SNTA1: variants seen among roughly 807,000 people sequenced by gnomAD.
The protein encoded by SNTA1 is syntrophin alpha 1, also known as alpha-1-syntrophin.
Under a neutral mutation model 47.1 loss-of-function variants are expected in SNTA1, and 31 were observed. The observed-to-expected ratio is 0.66, with a 90% CI of 0.49 to 0.89. The LOEUF is 0.89. Among genes scored for constraint, SNTA1 ranks in the 40% least tolerant of loss-of-function variants. The pLI, the probability that SNTA1 is intolerant of heterozygous loss-of-function variation, is 0.00. For missense variants in SNTA1, 575 were observed against 693.0 expected (o/e 0.83, Z 1.91); for synonymous variants, 300 against 313.6 (o/e 0.96, Z 0.46).
At chr20:33,422,532 C>A (rs531544572) in intron 2 of SNTA1, among the ~76,000 whole-genome samples, 1 of 151,906 alleles carries the variant, frequency 6.6e-6, no homozygotes, top group African/African-American at 2.4e-5. Context: ...AGTCCCAGCA[C>A]TTGGGGAGGC....
chr20:33,412,533 A>C, intron 4 of SNTA1, 42 bp downstream of exon 4: 1 of 1,606,358 alleles, frequency 6.2e-7, no homozygotes, highest in Non-Finnish European at 8.5e-7. Flanking sequence ...GCTCCAAAGG[A>C]GCGGAAGAGA....
At position 33,443,598 on chromosome 20, in the gene SNTA1, G is replaced by T. The variant is rs1216164802; in HGVS notation, c.23C>A (p.Pro8Gln). 1 of 1,237,698 alleles carries T rather than the reference G, an allele frequency of 8.1e-7. No homozygotes were observed. The highest frequency in any genetic ancestry group is 1.0e-6 in the Non-Finnish European group (1 of 990,402). The allele number at this position is 1,237,698 out of a possible 1,614,324, so 76.7% of individuals were successfully genotyped here. MASGRRA[P>Q]RTGLLELRAG... ...GCGCAGCTCCAGCAGCCCGGTGCGC[G>T]GGGCGCGCCTGCCGGACGCCATCTT... is the stretch of plus-strand genomic sequence containing the variant. The change falls in exon 1 of 8, where the codon CCG becomes CAG. Residue 8 changes from proline to glutamine, a missense_variant. Coordinates refer to ENST00000217381, the MANE Select transcript of SNTA1 (RefSeq NM_003098.3).
chr20:33,416,902 T>C lies in SNTA1; in HGVS notation c.701+817A>G, dbSNP rs532251465. ...GTTTCAGTGAGCCAAGATCATGCCA[T>C]TGCACTCCAACCTGGGCAACAGAGT... On this transcript the variant is annotated intron_variant, in intron 3 of 7. Coordinates refer to ENST00000217381, the MANE Select transcript of SNTA1 (RefSeq NM_003098.3). Among the ~76,000 whole-genome samples the C allele has an allele frequency of 1.0e-4, 15 of 145,396 alleles. No individual in the cohort carries two copies. The South Asian group carries it at 3.2e-3, about 31-fold the overall frequency.
chr20:33,443,646 C>G lies in SNTA1; in HGVS notation c.-26G>C, dbSNP rs1327804037. ...CTTCGCCTCCGAGCCCCCGGGCCGC[C>G]GCGCTCGCCCTGTCCCGCTTTGCCC... On this transcript the variant is annotated 5_prime_UTR_variant, in exon 1 of 8. Coordinates refer to ENST00000217381, the MANE Select transcript of SNTA1 (RefSeq NM_003098.3). The G allele has an allele frequency of 8.4e-7, 1 of 1,188,344 alleles. No homozygotes were observed. Among genetic ancestry groups the G allele is most frequent in the Non-Finnish European group, 1.0e-6 (1 of 959,310 alleles). 73.6% of individuals were successfully genotyped at this position (1,188,344 alleles called of 1,614,324 possible). A position where few individuals can be genotyped will look rare whatever the true frequency, so the allele number is the denominator to read the frequency against.
chr20:33,419,519 C>A (rs1270454086), intron 2 of SNTA1, among the ~76,000 whole-genome samples: 2 of 152,078 alleles, frequency 1.3e-5, no homozygotes, highest in African/African-American at 4.8e-5. Flanking sequence ...GAGAAGCAAG[C>A]CTGGGTCTGA....
At position 33,417,926 on chromosome 20, in the gene SNTA1, G is replaced by A. The variant is rs774195790; in HGVS notation, c.497-3C>T. ...TGAGACGTCCTTCATATACTTGACT[G>A]ATTGGGAGAGACATCAGCAGTCACC... On this transcript the variant is annotated splice_region_variant and splice_polypyrimidine_tract_variant and intron_variant, in intron 2 of 7. Coordinates refer to ENST00000217381, the MANE Select transcript of SNTA1 (RefSeq NM_003098.3). 8 of 1,604,158 alleles carry A rather than the reference G, an allele frequency of 5.0e-6. No homozygotes were observed. The highest frequency in any genetic ancestry group is 1.1e-5 in the South Asian group (1 of 90,890).
chr20:33,413,637 A>G (rs897782706), intron 3 of SNTA1, among the ~76,000 whole-genome samples: 9 of 151,976 alleles, frequency 5.9e-5, no homozygotes, highest in African/African-American at 2.2e-4. Context: ...AAAAAAAAAA[A>G]AAAAACTAAG....
At chr20:33,431,182 G>GCC (rs1437598406) in intron 2 of SNTA1, among the ~76,000 whole-genome samples, 1 of 151,650 alleles carries the variant, frequency 6.6e-6, no homozygotes, top group East Asian at 2.0e-4. Flanking sequence ...GATCACTTGA[G>GCC]CCCAGGAAGT....
chr20:33,429,611 CAA>C (rs1990246621), intron 2 of SNTA1, among the ~76,000 whole-genome samples: 1 of 152,106 alleles, frequency 6.6e-6, no homozygotes, highest in East Asian at 1.9e-4. Flanking sequence ...GCCTGGCCAA[CAA>C]GAGAGAAACT....
chr20:33,442,703 G>T (rs1476314559), intron 1 of SNTA1, among the ~76,000 whole-genome samples: 1 of 152,080 alleles, frequency 6.6e-6, no homozygotes, highest in Non-Finnish European at 1.5e-5. Context: ...CAGTCCTGGG[G>T]GCTGAAAGCT....
intron 3 of SNTA1, among the ~76,000 whole-genome samples, chr20:33,414,764 C>T (rs759297918): frequency 8.5e-5 from 13 of 152,064 alleles, no homozygotes; most frequent in African/African-American, 1.7e-4. Context: ...CCTGCCTCCA[C>T]GAAGAAGAAA....
chr20:33,419,159 G>T (rs1218573630), intron 2 of SNTA1, among the ~76,000 whole-genome samples: 1 of 151,912 alleles, frequency 6.6e-6, no homozygotes. Context: ...CTCCCAACAA[G>T]GATATACCCT....
chr20:33,419,860 C>T (rs993950573), intron 2 of SNTA1, among the ~76,000 whole-genome samples: 1 of 152,156 alleles, frequency 6.6e-6, no homozygotes, highest in African/African-American at 2.4e-5. Context: ...TTCCTTTTCT[C>T]CTCCTTTAGC....
chr20:33,438,700 C>G, intron 2 of SNTA1, 141 bp downstream of exon 2: 1 of 793,362 alleles, frequency 1.3e-6, no homozygotes, highest in Middle Eastern at 3.5e-4. Context: ...AGGCAGGTCC[C>G]CAAATTCTGT....
chr20:33,417,441 A>C (rs929535685), intron 3 of SNTA1, among the ~76,000 whole-genome samples: 15 of 152,158 alleles, frequency 9.9e-5, no homozygotes, highest in African/African-American at 3.6e-4. Flanking sequence ...AGTGAGGAAA[A>C]GGGCCTAGTT....
At chr20:33,418,167 C>T (rs2146773542) in intron 2 of SNTA1, among the ~76,000 whole-genome samples, 1 of 152,088 alleles carries the variant, frequency 6.6e-6, no homozygotes, top group Middle Eastern at 3.4e-3. Flanking sequence ...TATCCCTTCT[C>T]TCATTTTCCC....
At chr20:33,417,958 A>G in intron 2 of SNTA1, 35 bp from the exon 3 acceptor site, 1 of 1,387,216 alleles carries the variant, frequency 7.2e-7, no homozygotes, top group Non-Finnish European at 1.0e-6. Context: ...CACCACTGTG[A>G]CATGGGCTCC....
At chr20:33,436,038 CA>C (rs1250600715) in intron 2 of SNTA1, among the ~76,000 whole-genome samples, 1 of 151,840 alleles carries the variant, frequency 6.6e-6, no homozygotes, top group African/African-American at 2.4e-5. Context: ...ACTAATAATA[CA>C]AAAAATTAGC....
chr20:33,424,450 G>A (rs1281026165), intron 2 of SNTA1, among the ~76,000 whole-genome samples: 2 of 151,890 alleles, frequency 1.3e-5, no homozygotes, highest in Non-Finnish European at 1.5e-5. Context: ...TAGGTGGGAG[G>A]ATTGCTTGAG....
Sources: gnomAD v4.1 joint callset for allele counts (sites outside exome capture counted in the v4.1 genomes callset) on GRCh38, gnomAD v4.1.1 for gene constraint, MANE v1.5 for transcripts, NCBI Gene and HGNC (gene_info 2026-07-23, HGNC 2026-07-21) for gene names.